Variants in MROH2A observed in about 807,000 individuals in gnomAD.
MROH2A encodes maestro heat like repeat family member 2A.
MROH2A carries 174 observed loss-of-function variants against 200.4 expected under a neutral mutation model. That is an observed-to-expected ratio of 0.87 (90% CI 0.77 to 0.98). The LOEUF (loss-of-function observed/expected upper bound fraction) is 0.98. Ranked by LOEUF, MROH2A falls within the 50% of genes least tolerant of loss-of-function variation. The pLI is 0.00. For synonymous variants in MROH2A, 829 were observed against 840.4 expected (o/e 0.99, Z 0.23); for missense variants, 2,045 against 2,139.6 (o/e 0.96, Z 0.87).
Position 233,779,854 on chromosome 2 carries a change from T to TTCCC in MROH2A, c.276+2_276+3insTCCC. 1 of 1,548,786 alleles carries TTCCC rather than the reference T, an allele frequency of 6.5e-7. No homozygotes were observed. Among genetic ancestry groups the TTCCC allele is most frequent in the Non-Finnish European group, 8.7e-7 (1 of 1,146,464 alleles). On this transcript the variant is annotated splice_region_variant and intron_variant, in intron 3 of 41. Transcript: ENST00000389758. The stretch of plus-strand genomic sequence containing the variant: ...ATCCGCTGCCTGCAGGTGCCAGAGG[T>TTCCC]AGGGCCATCTTACCCACTGGGCTCA...
Position 233,788,938 on chromosome 2 carries a change from C to CAAA in MROH2A, c.277-530_277-528dup, listed in dbSNP as rs56084976. ...CGGGCGGCAGAGCGAGACTCCGTCT[C>CAAA]AAAAAAAAAAAAAAAAAAAAAAAAA... is the stretch of plus-strand genomic sequence containing the variant. On this transcript the variant is annotated intron_variant, in intron 3 of 41. Transcript: ENST00000389758. Among the ~76,000 whole-genome samples the CAAA allele has an allele frequency of 5.2e-3, 247 of 47,450 alleles. 1 individual carries two copies. The highest frequency in any genetic ancestry group is 0.02 in the Middle Eastern group (1 of 50). The allele number at this position is 47,450 out of a possible 152,430, so 31.1% of individuals were successfully genotyped here.
chr2:233,792,525 G>A (rs1013605453), intron 5 of MROH2A, among the ~76,000 whole-genome samples: 2 of 152,094 alleles, frequency 1.3e-5, no homozygotes, highest in African/African-American at 4.8e-5. Flanking sequence ...GTGTTAGCCA[G>A]GATGACCTCG....
At chr2:233,788,187 C>T (rs1270152399) in intron 3 of MROH2A, among the ~76,000 whole-genome samples, 3 of 119,286 alleles carry the variant, frequency 2.5e-5, no homozygotes, top group African/African-American at 3.2e-5. Flanking sequence ...TATATATATA[C>T]ACACACATAT....
rs1701361352 is a variant in MROH2A, at chr2:233,787,803, T to TATATATAC, written c.277-1687_277-1686insCATATATA. On this transcript the variant is annotated intron_variant, in intron 3 of 41. Coordinates refer to ENST00000389758, the MANE Select transcript of MROH2A (RefSeq NM_001394639.1). ...TATATATATCATATATAATATATAT[T>TATATATAC]ATATATATTATATATAATATATATT... Among the ~76,000 whole-genome samples the TATATATAC allele has an allele frequency of 2.6e-4, 2 of 7,646 alleles. 1 individual carries two copies. Among genetic ancestry groups the TATATATAC allele is most frequent in the African/African-American group, 2.1e-3 (2 of 962 alleles). The allele number at this position is 7,646 out of a possible 152,430, so 5.0% of individuals were successfully genotyped here. A position where few individuals can be genotyped will look rare whatever the true frequency, so the allele number is the denominator to read the frequency against.
chr2:233,784,904 T>G (rs1402816807), intron 3 of MROH2A, among the ~76,000 whole-genome samples: 1 of 152,060 alleles, frequency 6.6e-6, no homozygotes, highest in Non-Finnish European at 1.5e-5. Flanking sequence ...TTGGGAGCAC[T>G]TTGGGAGCCA....
chr2:233,821,532 G>A (rs368580091), intron 31 of MROH2A, among the ~76,000 whole-genome samples: 1 of 152,180 alleles, frequency 6.6e-6, no homozygotes, highest in Non-Finnish European at 1.5e-5. Flanking sequence ...ACTCACATTA[G>A]CCTTTTAGAA....
chr2:233,776,053 C>G (rs1244387047), upstream of MROH2A, among the ~76,000 whole-genome samples: 1 of 152,158 alleles, frequency 6.6e-6, no homozygotes, highest in Non-Finnish European at 1.5e-5. Context: ...AACTGTGAGT[C>G]CATGAAACCT....
intron 3 of MROH2A, among the ~76,000 whole-genome samples, chr2:233,785,145 C>CA (rs201302664): frequency 0.15 from 20,537 of 140,596 alleles, 1,489 homozygotes; most frequent in East Asian, 0.21. Flanking sequence ...GACTCCATCT[C>CA]AAAAAAAAAA....
chr2:233,819,877 C>T (rs1703816187), intron 30 of MROH2A, 25 bp from the exon 31 acceptor site: 3 of 1,483,368 alleles, frequency 2.0e-6, no homozygotes, highest in East Asian at 2.5e-5. Flanking sequence ...GGGCTGCCCC[C>T]CGGTGATGCC....
chr2:233,818,022 G>A lies in MROH2A; in HGVS notation c.2982G>A (p.Gln994=), dbSNP rs1028702417. ...TAVCIHLKLG[Q]FGTMVGLIAP... ...CTCAGATCCACCTAAAGCTGGGGCA[G>A]TTTGGCACAATGGTCGGACTCATTG... is the stretch of plus-strand genomic sequence containing the variant. The change falls in exon 28 of 42, where the codon CAG becomes CAA. Residue 994 remains glutamine (Q), a synonymous_variant. Transcript: ENST00000389758. 4.5e-6 allele frequency: 7 copies of A among 1,550,896 alleles called. No individual in the cohort carries two copies. Among genetic ancestry groups the A allele is most frequent in the South Asian group, 1.2e-5 (1 of 84,072 alleles).
At chr2:233,776,449 G>A (rs1430462363), upstream of MROH2A, among the ~76,000 whole-genome samples, 1 of 150,500 alleles carries the variant, frequency 6.6e-6, no homozygotes, top group Non-Finnish European at 1.5e-5. Flanking sequence ...TCCGCCTCCT[G>A]GGTTCAAGTG....
Position 233,822,884 on chromosome 2 carries a change from C to A in MROH2A, c.3870C>A (p.Val1290=). Residue 1290 remains valine, a synonymous_variant, in exon 34 of 42, where the codon GTC becomes GTA. Transcript: ENST00000389758. ...PLPEEMNLQR[V]TIKSMQLLFK... Reference sequence around the variant, plus strand: ...ACAAGCTCCCACCTCCCTTCAGGGTCACTATCAAGTCCATGCAGCTCTTGT... The same window carrying A: ...ACAAGCTCCCACCTCCCTTCAGGGTAACTATCAAGTCCATGCAGCTCTTGT... 6.4e-7 allele frequency: 1 copy of A among 1,550,430 alleles called. No individual in the cohort carries two copies. The highest frequency in any genetic ancestry group is 1.2e-5 in the South Asian group (1 of 84,046).
intron 22 of MROH2A, among the ~76,000 whole-genome samples, chr2:233,809,493 T>C (rs1404586488): frequency 6.6e-6 from 1 of 152,100 alleles, no homozygotes; most frequent in Non-Finnish European, 1.5e-5. Flanking sequence ...ATAGCCCCTC[T>C]TCCAGAGTGC....
At position 233,807,868 on chromosome 2, in the gene MROH2A, C is replaced by T; in HGVS notation, c.2295+13C>T. 1 of 1,550,972 alleles carries T rather than the reference C, an allele frequency of 6.4e-7. No individual in the cohort carries two copies. Among genetic ancestry groups the T allele is most frequent in the South Asian group, 1.2e-5 (1 of 84,058 alleles). ...CAGTGCTTGGCGGGTAAGCCACCTT[C>T]CCTCCACAACTGGGTCTTGGGATCT... On this transcript the variant is annotated intron_variant, in intron 21 of 41. Coordinates refer to ENST00000389758, the MANE Select transcript of MROH2A (RefSeq NM_001394639.1). This position sits in a 1 kb window ranked among gnomAD's most constrained non-coding sequence, Gnocchi z 4.3.
At chr2:233,787,970 T>TAC (rs1559437417) in intron 3 of MROH2A, among the ~76,000 whole-genome samples, 17 of 74,110 alleles carry the variant, frequency 2.3e-4, no homozygotes, top group African/African-American at 9.3e-4. Flanking sequence ...ATATTATATA[T>TAC]ACATATATAT....
At position 233,799,902 on chromosome 2, in the gene MROH2A, G is replaced by A; in HGVS notation, c.1449+3G>A. Reference sequence around the variant, plus strand: ...TGACCTTATCCACCTACAAACTGGTGAGTGGCCCTGATACGCAGACCGCAG... The same window carrying A: ...TGACCTTATCCACCTACAAACTGGTAAGTGGCCCTGATACGCAGACCGCAG... On this transcript the variant is annotated splice_donor_region_variant and intron_variant, in intron 13 of 41. Transcript: ENST00000389758. 6.4e-7 allele frequency: 1 copy of A among 1,550,452 alleles called. No homozygotes were observed. Among genetic ancestry groups the A allele is most frequent in the Non-Finnish European group, 8.7e-7 (1 of 1,146,914 alleles).
chr2:233,832,666 A>C, intron 41 of MROH2A, 22 bp downstream of exon 41: 1 of 1,484,672 alleles, frequency 6.7e-7, no homozygotes, highest in Non-Finnish European at 9.1e-7. Flanking sequence ...AGAGTGTTAG[A>C]TGTTGAGTCC....
chr2:233,795,000 G>C (rs1298305723), intron 8 of MROH2A, among the ~76,000 whole-genome samples: 1 of 152,128 alleles, frequency 6.6e-6, no homozygotes, highest in Admixed American at 6.5e-5. Flanking sequence ...TCATTGCGTG[G>C]CCTTTCCCTG....
At chr2:233,830,296 G>A (rs1351557122) in intron 38 of MROH2A, among the ~76,000 whole-genome samples, 3 of 152,090 alleles carry the variant, frequency 2.0e-5, no homozygotes, top group Admixed American at 6.5e-5. Flanking sequence ...GGCTAACCCC[G>A]GCTGGCTGGG....
Sources: gnomAD v4.1 joint callset for allele counts (sites outside exome capture counted in the v4.1 genomes callset) on GRCh38, gnomAD v4.1.1 for gene constraint, Gnocchi (gnomAD v3.1) non-coding constraint, MANE v1.5 for transcripts, NCBI Gene and HGNC (gene_info 2026-07-23, HGNC 2026-07-21) for gene names.